The following ALDH16A1 variants were observed in gnomAD, a reference collection of about 807,000 sequenced individuals.
The protein encoded by ALDH16A1 is aldehyde dehydrogenase family 16 member A1.
ALDH16A1 carries 88 observed loss-of-function variants against 96.1 expected under a neutral mutation model. That is an observed-to-expected ratio of 0.92 (90% confidence interval 0.77 to 1.09). ALDH16A1 has a LOEUF of 1.09. ALDH16A1 is among the 50% of genes least tolerant of loss of function. The probability of loss-of-function intolerance (pLI) is 0.00; values close to 1 mark genes in which losing one functional copy is unlikely to be tolerated. For missense variants in ALDH16A1, 1,250 were observed against 1,112.6 expected (o/e 1.12, Z -1.76); for synonymous variants, 522 against 496.4 (o/e 1.05, Z -0.69).
At chr19:49,462,383 C>G (rs1200699713) in intron 7 of ALDH16A1, among the ~76,000 whole-genome samples, 187 bp from the exon 8 acceptor site, 2 of 152,140 alleles carry the variant, frequency 1.3e-5, no homozygotes, top group Admixed American at 6.5e-5. Flanking sequence ...GATCCGCCCA[C>G]CTCGGCCTCC....
chr19:49,468,702 A>C lies in ALDH16A1; in HGVS notation c.2124+136A>C. Reference sequence around the variant, plus strand: ...TGCTGCCCCCAGCCCCAGCACCCAAACCTTCACTCCTTGGGGACCCAGTGC... The same window carrying C: ...TGCTGCCCCCAGCCCCAGCACCCAACCCTTCACTCCTTGGGGACCCAGTGC... On this transcript the variant is annotated intron_variant, in intron 15 of 16. Transcript: ENST00000293350. This position sits in a 1 kb window ranked among gnomAD's most constrained non-coding sequence, Gnocchi z 4.4. 7.4e-7 allele frequency: 1 copy of C among 1,359,628 alleles called. No homozygotes were observed. The allele number at this position is 1,359,628 out of a possible 1,614,324, so 84.2% of individuals were successfully genotyped here.
At chr19:49,460,986 G>A in intron 5 of ALDH16A1, 87 bp downstream of exon 5, 1 of 1,414,088 alleles carries the variant, frequency 7.1e-7, no homozygotes, top group African/African-American at 1.4e-5. Flanking sequence ...GAGAGACAAG[G>A]GGGCTGGAGG....
Position 49,470,572 on chromosome 19 carries a change from A to C in ALDH16A1, c.*105A>C. On this transcript the variant is annotated 3_prime_UTR_variant, in exon 17 of 17. Transcript: ENST00000293350. ...TTCTGGTTCCTGTGTCTCCCAATAA[A>C]CTCTCTGACCAACCCTAGCTGTGCT... The C allele has an allele frequency of 7.8e-7, 1 of 1,287,636 alleles. No individual in the cohort carries two copies. 79.8% of individuals were successfully genotyped at this position (1,287,636 alleles called of 1,614,324 possible).
In ALDH16A1 at chr19:49,459,214, T is replaced by C; in HGVS notation, c.320+128T>C. The C allele has an allele frequency of 2.1e-6, 3 of 1,425,290 alleles. No homozygotes were observed. Among genetic ancestry groups the C allele is most frequent in the Non-Finnish European group, 2.8e-6 (3 of 1,068,228 alleles). 88.3% of individuals were successfully genotyped at this position (1,425,290 alleles called of 1,614,324 possible). On this transcript the variant is annotated intron_variant, in intron 3 of 16. Transcript: ENST00000293350. This position sits in a 1 kb window ranked among gnomAD's most constrained non-coding sequence, Gnocchi z 4.1. ...GCAGCTAAGGCTCAGATTCCCAGTA[T>C]GTGCTGGAGGCAGTCGTGGCTGAAA...
intron 1 of ALDH16A1, among the ~76,000 whole-genome samples, chr19:49,454,723 G>A (rs748975930): frequency 1.8e-4 from 27 of 152,304 alleles, no homozygotes; most frequent in Admixed American, 3.3e-4. Flanking sequence ...TCAGAACCCT[G>A]GCACAGCCTA....
intron 1 of ALDH16A1, among the ~76,000 whole-genome samples, chr19:49,453,648 C>T (rs1052106945): frequency 6.6e-6 from 1 of 152,238 alleles, no homozygotes; most frequent in Non-Finnish European, 1.5e-5. Flanking sequence ...TCTCTTGCCC[C>T]TTGATCCTGA....
chr19:49,457,307 G>A (rs1434186276), intron 1 of ALDH16A1, among the ~76,000 whole-genome samples: 2 of 151,934 alleles, frequency 1.3e-5, no homozygotes, highest in Non-Finnish European at 1.5e-5. Context: ...CAGCACTTTG[G>A]GAGGCCGAGG....
chr19:49,464,460 G>A lies in ALDH16A1; in HGVS notation c.1375G>A (p.Asp459Asn). Residue 459 changes from aspartate to asparagine, a missense_variant, in exon 11 of 17, where the codon GAC (aspartate) becomes AAC (asparagine). By Grantham distance (23) the Asp-to-Asn change is conservative. Coordinates refer to ENST00000293350, the MANE Select transcript of ALDH16A1 (RefSeq NM_153329.4). The part of the protein sequence containing the change: ...TVWINAHGLR[D>N]PSVPTGGCKE... ...CTGGATCAACGCCCACGGCCTCAGAGACCCTTCGGTGCCCACAGGCGGCTG... is the reference window on the plus strand; with the variant it reads ...CTGGATCAACGCCCACGGCCTCAGAAACCCTTCGGTGCCCACAGGCGGCTG... 1 of 1,611,774 alleles carries A rather than the reference G, an allele frequency of 6.2e-7. No individual in the cohort carries two copies. The highest frequency in any genetic ancestry group is 2.2e-5 in the East Asian group (1 of 44,802).
chr19:49,468,954 G>C lies in ALDH16A1; in HGVS notation c.2215G>C (p.Val739Leu), dbSNP rs769245361. 1.9e-6 allele frequency: 3 copies of C among 1,613,774 alleles called. No homozygotes were observed. The highest frequency in any genetic ancestry group is 2.5e-6 in the Non-Finnish European group (3 of 1,179,838). Residue 739 changes from valine to leucine, a missense_variant, in exon 16 of 17, where the codon GTC becomes CTC. Val to Leu is a conservative substitution (Grantham distance 32). Transcript: ENST00000293350. The surrounding 1 kb of genome is among the most constrained non-coding windows in gnomAD (Gnocchi z 4.4). ...LTRCLALHQD[V>L]QAMWYFGSAQ... ...CCGCTGCCTGGCCTTGCACCAAGAC[G>C]TCCAGGCCATGTGGTATTTCGGATC...
Position 49,461,976 on chromosome 19 carries a change from G to C in ALDH16A1, c.852G>C (p.Thr284=), listed in dbSNP as rs764861882. Reference sequence around the variant, plus strand: ...AGTCGCTGCTGCTGCTGACGGACACGGCGGACGTAGACTCGGCCGTGGAGG... The same window carrying C: ...AGTCGCTGCTGCTGCTGACGGACACCGCGGACGTAGACTCGGCCGTGGAGG... ...GTESLLLLTD[T]ADVDSAVEGV... is the part of the protein sequence containing the mutation. Residue 284 remains threonine (T), a synonymous_variant, in exon 7 of 17, where the codon ACG becomes ACC. Transcript: ENST00000293350. The C allele has an allele frequency of 6.4e-7, 1 of 1,555,082 alleles. No individual in the cohort carries two copies. The highest frequency in any genetic ancestry group is 2.4e-5 in the East Asian group (1 of 41,620).
rs2079192424 is a variant in ALDH16A1, at chr19:49,465,763, GT to G, written c.1596del (p.Gly534AlafsTer93). 2 of 1,613,994 alleles carry G rather than the reference GT, an allele frequency of 1.2e-6. No individual in the cohort carries two copies. Among genetic ancestry groups the G allele is most frequent in the South Asian group, 2.2e-5 (2 of 91,086 alleles). On this transcript the variant is annotated frameshift_variant, in exon 13 of 17. Transcript: ENST00000293350. LOFTEE classifies it high-confidence loss of function. ...CCCAGCACCCCCCTATGGGCTCTTCGTTGGGGGCCGTTTCCAGGCTCCTGGG... is the reference window on the plus strand; with the variant it reads ...CCCAGCACCCCCCTATGGGCTCTTCGTGGGGGCCGTTTCCAGGCTCCTGGG... ...PSPAPPYGLFVGGRFQAPGAR... is the reference protein window; with the variant it reads ...PSPAPPYGLFXGGRFQAPGAR...
chr19:49,462,993 C>T (rs36190638), intron 8 of ALDH16A1, among the ~76,000 whole-genome samples: 6 of 42,360 alleles, frequency 1.4e-4, no homozygotes, highest in Admixed American at 2.0e-4. Flanking sequence ...GGGGCCTGGA[C>T]TCCTGGGTCT....
rs772750051 is a variant in ALDH16A1, at chr19:49,465,834, T to G, written c.1665T>G (p.His555Gln). The change falls in exon 13 of 17, where the codon CAT becomes CAG. Residue 555 changes from histidine (H) to glutamine (Q), a missense_variant. Coordinates refer to ENST00000293350, the MANE Select transcript of ALDH16A1 (RefSeq NM_153329.4). The stretch of plus-strand genomic sequence containing the variant: ...TCCGGGATTCGTCTGGCAACCTCCA[T>G]GGCTACGTGGCTGAGGGTGGAGCCA... ...RPIRDSSGNL[H>Q]GYVAEGGAKD... is the part of the protein sequence containing the mutation. 4 of 1,614,004 alleles carry G rather than the reference T, an allele frequency of 2.5e-6. No individual in the cohort carries two copies. In the African/African-American group the frequency reaches 4.0e-5, roughly 16 times the overall value.
chr19:49,470,670 A>C lies in ALDH16A1; in HGVS notation c.*203A>C. 2 of 448,880 alleles carry C rather than the reference A, an allele frequency of 4.5e-6. No homozygotes were observed. Among genetic ancestry groups the C allele is most frequent in the Non-Finnish European group, 7.1e-6 (2 of 280,046 alleles). The allele number at this position is 448,880 out of a possible 1,614,324, so 27.8% of individuals were successfully genotyped here. A position where few individuals can be genotyped will look rare whatever the true frequency, so the allele number is the denominator to read the frequency against. ...TTTCTTTTTTTTTTTTTTTTTTGAG[A>C]CAACGTCTGGCTCTGTCACCCAGGC... is the stretch of plus-strand genomic sequence containing the variant. On this transcript the variant is annotated 3_prime_UTR_variant, in exon 17 of 17. Transcript: ENST00000293350.
chr19:49,460,598 G>A (rs559819187), intron 4 of ALDH16A1, among the ~76,000 whole-genome samples: 1 of 151,922 alleles, frequency 6.6e-6, no homozygotes, highest in African/African-American at 2.4e-5. Context: ...GTTTTTAGTG[G>A]AGATGGGGTT....
At chr19:49,460,484 G>C (rs1444006777) in intron 4 of ALDH16A1, among the ~76,000 whole-genome samples, 7 of 149,624 alleles carry the variant, frequency 4.7e-5, no homozygotes, top group Non-Finnish European at 7.4e-5. Flanking sequence ...GTGCGATCTC[G>C]GCTCACTGGA....
At chr19:49,460,155 CA>C (rs1409195457) in intron 4 of ALDH16A1, among the ~76,000 whole-genome samples, 1 of 152,024 alleles carries the variant, frequency 6.6e-6, no homozygotes, top group Non-Finnish European at 1.5e-5. Context: ...TCAGATGATT[CA>C]CCTGCCTTGG....
In ALDH16A1 at chr19:49,466,247, G is replaced by C; in HGVS notation, c.1902G>C (p.Trp634Cys). The C allele has an allele frequency of 6.7e-7, 1 of 1,481,802 alleles. No homozygotes were observed. Among genetic ancestry groups the C allele is most frequent in the Non-Finnish European group, 9.0e-7 (1 of 1,115,774 alleles). The allele number at this position is 1,481,802 out of a possible 1,614,324, so 91.8% of individuals were successfully genotyped here. ...VELSARRLRA[W>C]GARVQAQGHT... is the part of the protein sequence containing the mutation. ...TGAGCGCAAGACGACTTCGGGCGTG[G>C]GGGGCCCGGGTGCAGGCCCAAGGCC... Residue 634 changes from tryptophan (W) to cysteine (C), a missense_variant, in exon 14 of 17, where the codon TGG (tryptophan) becomes TGC (cysteine). Coordinates refer to ENST00000293350, the MANE Select transcript of ALDH16A1 (RefSeq NM_153329.4).
rs754334323 is a variant in ALDH16A1 at position 49,461,708 on chromosome 19, A to G, written c.667A>G (p.Ile223Val). Residue 223 changes from isoleucine to valine, a missense_variant, in exon 6 of 17, where the codon ATC (isoleucine) becomes GTC (valine). Coordinates refer to ENST00000293350, the MANE Select transcript of ALDH16A1 (RefSeq NM_153329.4). ...LAGELGPFPG[I>V]LNVLSGPASL... Reference sequence around the variant, plus strand: ...GGGGGAGCTGGGCCCCTTCCCGGGAATCCTGAATGTCCTCAGTGGCCCTGC... The same window carrying G: ...GGGGGAGCTGGGCCCCTTCCCGGGAGTCCTGAATGTCCTCAGTGGCCCTGC... The G allele has an allele frequency of 7.5e-6, 12 of 1,609,724 alleles. 1 individual carries two copies. In the South Asian group the frequency reaches 8.8e-5, roughly 12 times the overall value.
Sources: allele counts gnomAD v4.1 joint callset (sites outside exome capture counted in the v4.1 genomes callset), GRCh38; gene constraint gnomAD v4.1.1; non-coding constraint Gnocchi (gnomAD v3.1); transcripts MANE v1.5; gene names NCBI Gene and HGNC (gene_info 2026-07-23, HGNC 2026-07-21).